The following NAALADL2 variants were observed in gnomAD, a reference collection of about 807,000 sequenced individuals.
NAALADL2 encodes the protein N-acetylated alpha-linked acidic dipeptidase like 2.
In NAALADL2, 76 loss-of-function variants were observed where a neutral mutation model predicts 87.2. That is an observed-to-expected ratio of 0.87 (90% CI 0.72 to 1.05). The LOEUF (loss-of-function observed/expected upper bound fraction) is 1.05. NAALADL2 is among the 50% of genes least tolerant of loss of function. NAALADL2 has a pLI of 0.00. For missense variants in NAALADL2, 1,089 were observed against 945.8 expected (o/e 1.15, Z -1.99); for synonymous variants, 354 against 331.0 (o/e 1.07, Z -0.75).
At chr3:175,224,313 A>T (rs1156296049) in intron 2 of NAALADL2, among the ~76,000 whole-genome samples, 3 of 152,146 alleles carry the variant, frequency 2.0e-5, no homozygotes, top group Non-Finnish European at 4.4e-5. Context: ...GCAGGATATG[A>T]TAAGGAAGTC....
chr3:175,690,523 T>A (rs1931159), intron 11 of NAALADL2, among the ~76,000 whole-genome samples: 7,565 of 152,126 alleles, frequency 0.05, 240 homozygotes, highest in South Asian at 0.13. Flanking sequence ...CTTTGTTTCC[T>A]GGATTATGAT....
chr3:175,175,793 T>G (rs1735615970), intron 2 of NAALADL2, among the ~76,000 whole-genome samples: 1 of 152,114 alleles, frequency 6.6e-6, no homozygotes, highest in Admixed American at 6.6e-5. Flanking sequence ...GTTCTGAACA[T>G]ACAGGAATTA....
intron 3 of NAALADL2, among the ~76,000 whole-genome samples, chr3:174,740,173 T>TA (rs1553844092): frequency 9.9e-5 from 15 of 151,892 alleles, no homozygotes; most frequent in South Asian, 4.2e-4. Flanking sequence ...ACCTAATTTT[T>TA]TAAAAAAATT....
At chr3:174,564,218 G>A (rs1289625514) in intron 2 of NAALADL2, among the ~76,000 whole-genome samples, 2 of 152,138 alleles carry the variant, frequency 1.3e-5, no homozygotes, top group East Asian at 3.9e-4. Context: ...ATCTCTTAGT[G>A]TTTTTGAGCC....
chr3:174,858,077 A>G (rs147695827), upstream of NAALADL2, among the ~76,000 whole-genome samples: 707 of 149,004 alleles, frequency 4.7e-3, 4 homozygotes, highest in African/African-American at 0.017. Flanking sequence ...GTGTGTAACT[A>G]CAGCCTATAT....
At chr3:175,669,960 C>T (rs1015596561) in intron 11 of NAALADL2, among the ~76,000 whole-genome samples, 2 of 151,940 alleles carry the variant, frequency 1.3e-5, no homozygotes, top group Non-Finnish European at 2.9e-5. Flanking sequence ...CCTTTCAGTG[C>T]TTGATCATCT....
intron 3 of NAALADL2, among the ~76,000 whole-genome samples, chr3:175,245,752 C>G (rs1404775459): frequency 1.3e-5 from 2 of 152,192 alleles, no homozygotes; most frequent in African/African-American, 4.8e-5. Context: ...GATTGTATAT[C>G]TTACGCTTAA....
intron 3 of NAALADL2, among the ~76,000 whole-genome samples, chr3:175,246,563 TGTTCCCCTGTGTGGAGTCCCA>T (rs1283709282): frequency 2.0e-5 from 3 of 152,198 alleles, no homozygotes; most frequent in Admixed American, 2.0e-4. Flanking sequence ...GGCACTGGAA[TGTTCCCCTGTGTGGAGTCCCA>T]GCCACCCACA....
chr3:175,636,630 G>A (rs1162910557), intron 11 of NAALADL2, among the ~76,000 whole-genome samples: 1 of 150,872 alleles, frequency 6.6e-6, no homozygotes, highest in African/African-American at 2.4e-5. Flanking sequence ...CCTGGGAGGC[G>A]GAGGTTGCAG....
chr3:175,662,654 T>G (rs1560934798), intron 11 of NAALADL2, among the ~76,000 whole-genome samples: 2 of 151,824 alleles, frequency 1.3e-5, no homozygotes, highest in East Asian at 3.8e-4. Context: ...ACCATTTGAG[T>G]TGTTTCTTCC....
intron 3 of NAALADL2, among the ~76,000 whole-genome samples, chr3:174,809,665 A>G (rs1429226484): frequency 6.6e-6 from 1 of 151,982 alleles, no homozygotes; most frequent in Non-Finnish European, 1.5e-5. Flanking sequence ...TTTTTACTAC[A>G]TAGTAATTAT....
chr3:175,376,329 T>A (rs565850283), intron 5 of NAALADL2, among the ~76,000 whole-genome samples: 132 of 152,266 alleles, frequency 8.7e-4, no homozygotes, highest in African/African-American at 3.1e-3. Context: ...TGTTTTATTT[T>A]ACTTCAATTT....
chr3:175,224,929 G>A (rs1036997996), intron 2 of NAALADL2, among the ~76,000 whole-genome samples: 3 of 152,116 alleles, frequency 2.0e-5, no homozygotes, highest in East Asian at 1.9e-4. Flanking sequence ...TATTTCATAA[G>A]TTTGGGTGGG....
At chr3:175,210,780 C>T (rs1268516790) in intron 2 of NAALADL2, among the ~76,000 whole-genome samples, 1 of 151,618 alleles carries the variant, frequency 6.6e-6, no homozygotes, top group Non-Finnish European at 1.5e-5. Context: ...TAATCCAGTG[C>T]TCTATTTACC....
intron 2 of NAALADL2, among the ~76,000 whole-genome samples, chr3:175,174,134 G>A (rs1348470693): frequency 6.6e-6 from 1 of 152,078 alleles, no homozygotes; most frequent in Non-Finnish European, 1.5e-5. Context: ...ATATAACACA[G>A]CAAAATGTAG....
intron 9 of NAALADL2, among the ~76,000 whole-genome samples, chr3:175,546,413 TG>T (rs564206137): frequency 2.5e-4 from 38 of 152,250 alleles, no homozygotes; most frequent in Admixed American, 5.2e-4. Flanking sequence ...TTGATATGTG[TG>T]GATTTGATCC....
At chr3:175,074,617 G>A (rs1046209047) in intron 1 of NAALADL2, among the ~76,000 whole-genome samples, 4 of 152,024 alleles carry the variant, frequency 2.6e-5, no homozygotes, top group African/African-American at 7.2e-5. Flanking sequence ...GGGAGTTACT[G>A]TTAATTATTT....
chr3:175,788,867 G>A (rs1576835749), intron 13 of NAALADL2, among the ~76,000 whole-genome samples: 1 of 152,104 alleles, frequency 6.6e-6, no homozygotes, highest in East Asian at 1.9e-4. Flanking sequence ...AGGCTGCGAT[G>A]TCCACTAAAA....
intron 3 of NAALADL2, among the ~76,000 whole-genome samples, chr3:175,246,986 G>C (rs1283511592): frequency 6.6e-6 from 1 of 152,074 alleles, no homozygotes; most frequent in African/African-American, 2.4e-5. Flanking sequence ...TATGAACTTT[G>C]GGGTGTGGAA....
Sources: gnomAD v4.1 joint callset for allele counts (sites outside exome capture counted in the v4.1 genomes callset) on GRCh38, gnomAD v4.1.1 for gene constraint, MANE v1.5 for transcripts, NCBI Gene and HGNC (gene_info 2026-07-23, HGNC 2026-07-21) for gene names.